The following HERC1 variants were observed in gnomAD, a reference collection of about 807,000 sequenced individuals.
The protein encoded by HERC1 is HECT and RLD domain containing E3 ubiquitin protein ligase family member 1.
Under a neutral mutation model 554.3 loss-of-function variants are expected in HERC1, and 160 were observed. That is an observed-to-expected ratio of 0.29 (90% confidence interval 0.25 to 0.33). The LOEUF (loss-of-function observed/expected upper bound fraction) is 0.33, where lower values mean the gene tolerates loss of function less well. Among genes scored for constraint, HERC1 ranks in the 10% least tolerant of loss-of-function variants. The pLI is 1.00. For missense variants in HERC1, 4,919 were observed against 5,918.5 expected, an observed-to-expected ratio of 0.83 and a Z score of 5.54; for synonymous variants, 2,175 against 2,131.7, an observed-to-expected ratio of 1.02 and a Z score of -0.56.
intron 19 of HERC1, among the ~76,000 whole-genome samples, chr15:63,721,025 AC>A (rs2073795466): frequency 6.6e-6 from 1 of 152,128 alleles, no homozygotes; most frequent in South Asian, 2.1e-4. Flanking sequence ...GTTTTTATTC[AC>A]CTTATATCTA....
At chr15:63,752,576 T>C (rs2075287096) in intron 8 of HERC1, 1 of 158,052 alleles carries the variant, frequency 6.3e-6, no homozygotes, top group Non-Finnish European at 1.4e-5. Context: ...ACCTAAGTGT[T>C]CTCTTTACCC....
chr15:63,616,141 C>T (rs371842557), intron 75 of HERC1, among the ~76,000 whole-genome samples: 11 of 152,282 alleles, frequency 7.2e-5, no homozygotes, highest in East Asian at 3.9e-4. Flanking sequence ...GTTCACAAAC[C>T]AAGCCTGTTG....
rs925191568 is a variant in HERC1 at position 63,754,703 on chromosome 15, G to A, written c.1631-55C>T. The A allele has an allele frequency of 2.0e-6, 3 of 1,501,020 alleles. No homozygotes were observed. The African/African-American group carries it at 4.2e-5, about 21-fold the overall frequency. 93.0% of individuals were successfully genotyped at this position (1,501,020 alleles called of 1,614,324 possible). On this transcript the variant is annotated intron_variant, in intron 6 of 77. Coordinates refer to ENST00000443617, the MANE Select transcript of HERC1 (RefSeq NM_003922.4). ...AACAACATTAACTCTTTTTCTCTAG[G>A]CCTTGACTTCACAAGTATAATAAAT...
intron 1 of HERC1, among the ~76,000 whole-genome samples, chr15:63,791,839 T>C (rs2076663593): frequency 5.3e-5 from 8 of 152,202 alleles, no homozygotes; most frequent in Admixed American, 5.2e-4. Context: ...AAGCAAGTTT[T>C]CAAACCATTT....
At chr15:63,782,421 A>G (rs1225707141) in intron 1 of HERC1, among the ~76,000 whole-genome samples, 1 of 152,254 alleles carries the variant, frequency 6.6e-6, no homozygotes, top group Non-Finnish European at 1.5e-5. Flanking sequence ...ATGACAGCAC[A>G]TCTGTTTACT....
intron 1 of HERC1, among the ~76,000 whole-genome samples, chr15:63,804,261 C>T (rs2077070926): frequency 6.6e-6 from 1 of 152,114 alleles, no homozygotes; most frequent in African/African-American, 2.4e-5. Context: ...ATAAGCTAGA[C>T]CTGATCTAAA....
chr15:63,692,441 G>C lies in HERC1; in HGVS notation c.5800C>G (p.Leu1934Val). The C allele has an allele frequency of 1.9e-6, 3 of 1,611,310 alleles. No individual in the cohort carries two copies. The highest frequency in any genetic ancestry group is 2.5e-6 in the Non-Finnish European group (3 of 1,179,206). ...GAACATTTCTGAGATGCTATATTTA[G>C]AAGCACTTCGGTCCACTTTGGGGAA... ...MASPKWTEVL[L>V]NIASQKCSSG... Residue 1934 changes from leucine to valine, a missense_variant, in exon 31 of 78, where the codon CTA becomes GTA. Physicochemically the swap from Leu to Val is conservative, Grantham distance 32. Around this residue, in one of 11 missense-constraint regions of HERC1, gnomAD observed 1,121 missense variants for 1,244.0 expected, o/e 0.90. Coordinates refer to ENST00000443617, the MANE Select transcript of HERC1 (RefSeq NM_003922.4). The surrounding 1 kb of genome is among the most constrained non-coding windows in gnomAD (Gnocchi z 4.7).
Position 63,677,746 on chromosome 15 carries a change from C to T in HERC1, c.7070+99G>A, listed in dbSNP as rs2071280631. 3 of 1,494,934 alleles carry T rather than the reference C, an allele frequency of 2.0e-6. No homozygotes were observed. The highest frequency in any genetic ancestry group is 2.3e-5 in the Admixed American group (1 of 43,414). The allele number at this position is 1,494,934 out of a possible 1,614,324, so 92.6% of individuals were successfully genotyped here. ...AGAAATATTTTTAAAAGTTAACTGG[C>T]AGCTCACCTAAAATACATAATTACT... On this transcript the variant is annotated intron_variant, in intron 37 of 77. Coordinates refer to ENST00000443617, the MANE Select transcript of HERC1 (RefSeq NM_003922.4). The surrounding 1 kb of genome is among the most constrained non-coding windows in gnomAD (Gnocchi z 4.4).
chr15:63,645,247 A>G, intron 56 of HERC1, 150 bp from the exon 57 acceptor site: 1 of 704,118 alleles, frequency 1.4e-6, no homozygotes, highest in Non-Finnish European at 2.4e-6. Flanking sequence ...AAGAAATACA[A>G]CCGAGGCCAA....
intron 50 of HERC1, among the ~76,000 whole-genome samples, chr15:63,655,513 G>C (rs368023935): frequency 1.2e-4 from 10 of 83,286 alleles, no homozygotes; most frequent in East Asian, 3.9e-4. Flanking sequence ...AAACCTACCA[G>C]GATTATTATC....
In HERC1 at chr15:63,734,072, C is replaced by A. The variant is rs2074403883; in HGVS notation, c.2646+652G>T. Among the ~76,000 whole-genome samples the A allele has an allele frequency of 6.6e-6, 1 of 152,010 alleles. No individual in the cohort carries two copies. Among genetic ancestry groups the A allele is most frequent in the African/African-American group, 2.4e-5 (1 of 41,366 alleles). ...GTCTTAGCTACTCCAGAGGCCAAGG[C>A]AGTAAGATCCCTTGAGCTTAGGAGT... On this transcript the variant is annotated intron_variant, in intron 13 of 77. Coordinates refer to ENST00000443617, the MANE Select transcript of HERC1 (RefSeq NM_003922.4). This position sits in a 1 kb window ranked among gnomAD's most constrained non-coding sequence, Gnocchi z 4.6.
chr15:63,657,310 G>A (rs1440068350), intron 48 of HERC1, among the ~76,000 whole-genome samples: 5 of 143,940 alleles, frequency 3.5e-5, no homozygotes, highest in African/African-American at 7.7e-5. Flanking sequence ...TTCCCAGGCT[G>A]GTCTCAAACT....
chr15:63,753,794 T>A (rs2075328528), intron 7 of HERC1, among the ~76,000 whole-genome samples: 1 of 152,140 alleles, frequency 6.6e-6, no homozygotes, highest in Admixed American at 6.6e-5. Context: ...AATAAGAAAC[T>A]GGTTTTATAA....
At chr15:63,798,087 A>G (rs2076865154) in intron 1 of HERC1, among the ~76,000 whole-genome samples, 1 of 152,136 alleles carries the variant, frequency 6.6e-6, no homozygotes, top group African/African-American at 2.4e-5. Context: ...CAACCTCACT[A>G]AAGCACTTAT....
chr15:63,829,998 T>C (rs1269189322), intron 1 of HERC1, among the ~76,000 whole-genome samples: 1 of 152,072 alleles, frequency 6.6e-6, no homozygotes, highest in African/African-American at 2.4e-5. Context: ...CCTTAAAGAA[T>C]TCCAATTAAT....
At chr15:63,789,046 T>TA (rs1331413926) in intron 1 of HERC1, among the ~76,000 whole-genome samples, 4 of 135,418 alleles carry the variant, frequency 3.0e-5, no homozygotes, top group Admixed American at 7.9e-5. Context: ...CCATTCCTAA[T>TA]AAAAAATCTA....
intron 34 of HERC1, among the ~76,000 whole-genome samples, chr15:63,683,084 C>T (rs1396782125): frequency 6.9e-6 from 1 of 145,718 alleles, no homozygotes; most frequent in Admixed American, 7.0e-5. Flanking sequence ...TGCAGGGAGC[C>T]GAGCTTGTGC....
At chr15:63,783,914 A>C (rs891769488) in intron 1 of HERC1, among the ~76,000 whole-genome samples, 1 of 152,018 alleles carries the variant, frequency 6.6e-6, no homozygotes, top group Non-Finnish European at 1.5e-5. Flanking sequence ...AAAAATACAA[A>C]AATTAGCTGG....
chr15:63,725,287 A>G lies in HERC1; in HGVS notation c.3568+5T>C. ...TATTTTAAATGCTGCAGAGAAGCAC[A>G]TTACCCAATTGAGGAGTGTCCATTT... On this transcript the variant is annotated splice_donor_5th_base_variant and intron_variant, in intron 18 of 77. Coordinates refer to ENST00000443617, the MANE Select transcript of HERC1 (RefSeq NM_003922.4). 6.2e-7 allele frequency: 1 copy of G among 1,611,676 alleles called. No individual in the cohort carries two copies. The highest frequency in any genetic ancestry group is 8.5e-7 in the Non-Finnish European group (1 of 1,178,134).
Sources: gnomAD v4.1 joint callset for allele counts (sites outside exome capture counted in the v4.1 genomes callset) on GRCh38, gnomAD v4.1.1 for gene constraint, gnomAD v4.1.1 regional missense constraint, Gnocchi (gnomAD v3.1) non-coding constraint, MANE v1.5 for transcripts, NCBI Gene and HGNC (gene_info 2026-07-23, HGNC 2026-07-21) for gene names.